KIAA2012: variants seen among roughly 807,000 people sequenced by gnomAD.
The protein encoded by KIAA2012 is uncharacterized protein KIAA2012.
A neutral mutation model predicts 150.6 loss-of-function variants in KIAA2012; 125 were observed. The observed-to-expected ratio is 0.83, with a 90% CI of 0.72 to 0.96. The LOEUF (loss-of-function observed/expected upper bound fraction) is 0.96, where lower values mean the gene tolerates loss of function less well. Ranked by LOEUF, KIAA2012 falls within the 40% of genes least tolerant of loss-of-function variation. The pLI, the probability that KIAA2012 is intolerant of heterozygous loss-of-function variation, is 0.00. For synonymous variants in KIAA2012, 462 were observed against 504.7 expected, an observed-to-expected ratio of 0.92 and a Z score of 1.13; for missense variants, 1,219 against 1,354.9, an observed-to-expected ratio of 0.90 and a Z score of 1.57.
intron 11 of KIAA2012, among the ~76,000 whole-genome samples, chr2:202,122,377 C>A (rs751111558): frequency 6.6e-6 from 1 of 152,226 alleles, no homozygotes; most frequent in African/African-American, 2.4e-5. Flanking sequence ...GGGCCACTGA[C>A]TGGACGTGAG....
intron 11 of KIAA2012, chr2:202,113,737 C>G (rs1690443276): frequency 3.2e-6 from 1 of 313,630 alleles, no homozygotes; most frequent in African/African-American, 2.2e-5. Context: ...ATGATAAAGT[C>G]CTTTTGGTAT....
chr2:202,124,205 A>G (rs1690723315), intron 11 of KIAA2012, among the ~76,000 whole-genome samples: 1 of 152,152 alleles, frequency 6.6e-6, no homozygotes. Context: ...AAATAAAAAT[A>G]AAAAACCCTT....
intron 5 of KIAA2012, among the ~76,000 whole-genome samples, chr2:202,098,824 G>GCA (rs1689965908): frequency 9.7e-6 from 1 of 103,402 alleles, no homozygotes; most frequent in South Asian, 3.0e-4. Context: ...GTGTGTGCAC[G>GCA]CGCGCGCGCG....
rs114888900 is a variant in KIAA2012 at position 202,107,735 on chromosome 2, C to T, written c.1474+1825C>T. Among the ~76,000 whole-genome samples the T allele has an allele frequency of 2.1e-3, 323 of 152,214 alleles. 1 individual carries two copies. Among genetic ancestry groups the T allele is most frequent in the African/African-American group, 7.4e-3 (308 of 41,532 alleles). Reference sequence around the variant, plus strand: ...ACCTAAAGAGGCAGTTCCAGCTGGGCGCAGTGGCTCACACTTGTAATCCCA... The same window carrying T: ...ACCTAAAGAGGCAGTTCCAGCTGGGTGCAGTGGCTCACACTTGTAATCCCA... On this transcript the variant is annotated intron_variant, in intron 9 of 23. Coordinates refer to ENST00000498697, the MANE Select transcript of KIAA2012 (RefSeq NM_001277372.4).
At chr2:202,167,222 G>A (rs1478584085) in intron 15 of KIAA2012, among the ~76,000 whole-genome samples, 1 of 152,018 alleles carries the variant, frequency 6.6e-6, no homozygotes, top group Non-Finnish European at 1.5e-5. Context: ...AAAGTCCAGG[G>A]AAAGAATAAA....
At chr2:202,154,612 A>G in intron 13 of KIAA2012, 61 bp from the exon 14 acceptor site, 1 of 1,418,948 alleles carries the variant, frequency 7.0e-7, no homozygotes, top group Non-Finnish European at 9.4e-7. Flanking sequence ...GATTTGGACT[A>G]GCTCTTGTTG....
chr2:202,157,061 A>T (rs1017222569), intron 14 of KIAA2012, among the ~76,000 whole-genome samples: 2 of 151,906 alleles, frequency 1.3e-5, no homozygotes, highest in Non-Finnish European at 2.9e-5. Context: ...TTTCCTGTCC[A>T]CCTCCCTCAA....
At chr2:202,186,407 G>T (rs1692228030) in intron 16 of KIAA2012, among the ~76,000 whole-genome samples, 1 of 152,120 alleles carries the variant, frequency 6.6e-6, no homozygotes, top group African/African-American at 2.4e-5. Flanking sequence ...AGCTATTGGG[G>T]AGGCTGAGGC....
chr2:202,132,782 A>G (rs573225080), intron 12 of KIAA2012, among the ~76,000 whole-genome samples: 28,390 of 86,814 alleles, frequency 0.33, 4,046 homozygotes, highest in African/African-American at 0.37. Flanking sequence ...ATACATATAT[A>G]TATGCGTATA....
chr2:202,078,016 A>G (rs1270279479), intron 2 of KIAA2012, among the ~76,000 whole-genome samples: 3 of 152,208 alleles, frequency 2.0e-5, no homozygotes, highest in Non-Finnish European at 4.4e-5. Flanking sequence ...TCTGGAGGGC[A>G]ATTTGGCAAA....
intron 13 of KIAA2012, among the ~76,000 whole-genome samples, chr2:202,148,812 C>T (rs1691357594): frequency 6.6e-6 from 1 of 152,066 alleles, no homozygotes; most frequent in African/African-American, 2.4e-5. Flanking sequence ...CCAGGGTGGT[C>T]GGCCTTGCCA....
At chr2:202,195,199 A>G (rs1400989514) in intron 21 of KIAA2012, among the ~76,000 whole-genome samples, 4 of 152,026 alleles carry the variant, frequency 2.6e-5, no homozygotes, top group Non-Finnish European at 5.9e-5. Context: ...TCAAACATTC[A>G]TCATTTGTGT....
intron 10 of KIAA2012, 102 bp from the exon 11 acceptor site, chr2:202,113,234 G>A (rs954994726): frequency 7.6e-6 from 6 of 794,248 alleles, no homozygotes; most frequent in South Asian, 1.7e-5. Context: ...AGGCATCTAC[G>A]GGTGTGTGCC....
chr2:202,145,612 G>A (rs1275497365), intron 13 of KIAA2012, among the ~76,000 whole-genome samples: 1 of 147,968 alleles, frequency 6.8e-6, no homozygotes, highest in Admixed American at 6.7e-5. Flanking sequence ...TAAAAGGATA[G>A]TATGATGAAC....
intron 9 of KIAA2012, among the ~76,000 whole-genome samples, chr2:202,107,010 C>T (rs7609304): frequency 0.77 from 117,002 of 152,034 alleles, 45,365 homozygotes; most frequent in African/African-American, 0.82. Context: ...TCTTAGTTTT[C>T]AACGTATTCT....
At chr2:202,122,720 T>G (rs926573447) in intron 11 of KIAA2012, among the ~76,000 whole-genome samples, 1 of 152,188 alleles carries the variant, frequency 6.6e-6, no homozygotes, top group Non-Finnish European at 1.5e-5. Flanking sequence ...GTCAGGCTGG[T>G]CTCAAACTCC....
chr2:202,191,018 C>A (rs1423015700), intron 19 of KIAA2012, among the ~76,000 whole-genome samples: 2 of 152,198 alleles, frequency 1.3e-5, no homozygotes, highest in Non-Finnish European at 2.9e-5. Context: ...GTAGTTCACG[C>A]CTGTAATCCC....
chr2:202,093,625 T>G (rs1367621181), intron 4 of KIAA2012, among the ~76,000 whole-genome samples: 1 of 152,324 alleles, frequency 6.6e-6, no homozygotes, highest in East Asian at 1.9e-4. Context: ...GTGAAATATA[T>G]ATATAGGATT....
chr2:202,143,919 TC>T (rs1008730767), intron 13 of KIAA2012, among the ~76,000 whole-genome samples: 2 of 152,156 alleles, frequency 1.3e-5, no homozygotes, highest in African/African-American at 2.4e-5. Context: ...CTCTCATCCA[TC>T]CAGATCCATC....
Sources: gnomAD v4.1 joint callset for allele counts (sites outside exome capture counted in the v4.1 genomes callset) on GRCh38, gnomAD v4.1.1 for gene constraint, MANE v1.5 for transcripts, NCBI Gene and HGNC (gene_info 2026-07-23, HGNC 2026-07-21) for gene names.